GRID2: variants seen among roughly 807,000 people sequenced by gnomAD.
The protein encoded by GRID2 is glutamate ionotropic receptor delta type subunit 2, also known as glutamate receptor ionotropic, delta-2.
A neutral mutation model predicts 114.8 loss-of-function variants in GRID2; 33 were observed. The observed-to-expected ratio is 0.29, with a 90% confidence interval of 0.22 to 0.38. The LOEUF is 0.38. Ranked by LOEUF, GRID2 falls within the 10% of genes least tolerant of loss-of-function variation. The probability of loss-of-function intolerance (pLI) is 1.00; values close to 1 mark genes in which losing one functional copy is unlikely to be tolerated. For missense variants in GRID2, 1,184 were observed against 1,257.7 expected, an observed-to-expected ratio of 0.94 and a Z score of 0.89; for synonymous variants, 505 against 449.9, an observed-to-expected ratio of 1.12 and a Z score of -1.55.
intron 2 of GRID2, among the ~76,000 whole-genome samples, chr4:92,600,089 T>TA (rs1729154849): frequency 2.2e-4 from 30 of 134,726 alleles, no homozygotes; most frequent in Admixed American, 9.8e-4. Flanking sequence ...TATATATATA[T>TA]TTCTCAGAAT....
At chr4:93,710,437 A>T (rs1427845180) in intron 14 of GRID2, among the ~76,000 whole-genome samples, 1 of 152,182 alleles carries the variant, frequency 6.6e-6, no homozygotes, top group Non-Finnish European at 1.5e-5. Context: ...CGAATGGAGT[A>T]TCTCTTTCTA....
chr4:92,754,703 A>G (rs1737625586), intron 2 of GRID2, among the ~76,000 whole-genome samples: 1 of 152,170 alleles, frequency 6.6e-6, no homozygotes, highest in African/African-American at 2.4e-5. Flanking sequence ...GTGTATTTTG[A>G]AATGGTATTT....
Position 92,558,624 on chromosome 4 carries a change from C to T in GRID2, c.89-31507C>T, listed in dbSNP as rs569762183. On this transcript the variant is annotated intron_variant, in intron 1 of 15. Transcript: ENST00000282020. Reference sequence around the variant, plus strand: ...AGCCTAGCTGCTTTTATTCCTCCTACCTCTAATCTCTTTAATATTTCTTTG... The same window carrying T: ...AGCCTAGCTGCTTTTATTCCTCCTATCTCTAATCTCTTTAATATTTCTTTG... Among the ~76,000 whole-genome samples, 60 of 152,216 alleles carry T rather than the reference C, an allele frequency of 3.9e-4. No individual in the cohort carries two copies. The South Asian group carries it at 0.012, about 31-fold the overall frequency.
At chr4:92,780,552 G>A (rs949689302) in intron 2 of GRID2, among the ~76,000 whole-genome samples, 9 of 152,060 alleles carry the variant, frequency 5.9e-5, no homozygotes, top group African/African-American at 2.2e-4. Flanking sequence ...CAATAAGGAA[G>A]GGGGATGAAA....
At chr4:93,757,137 G>C (rs1249638171) in intron 14 of GRID2, among the ~76,000 whole-genome samples, 1 of 152,074 alleles carries the variant, frequency 6.6e-6, no homozygotes, top group Non-Finnish European at 1.5e-5. Context: ...TTTACTAAAG[G>C]ATATTATGTG....
At chr4:93,004,671 C>T (rs71599267) in intron 2 of GRID2, among the ~76,000 whole-genome samples, 21,036 of 151,844 alleles carry the variant, frequency 0.14, 1,767 homozygotes, top group Middle Eastern at 0.27. Context: ...TCTTCCACTC[C>T]CCCTCAGAGC....
chr4:92,457,323 C>T (rs1057083187), intron 1 of GRID2, among the ~76,000 whole-genome samples: 2 of 151,962 alleles, frequency 1.3e-5, no homozygotes, highest in Non-Finnish European at 2.9e-5. Context: ...TTCACATTTT[C>T]CATTGAATTA....
chr4:92,964,289 T>A (rs1490163148), intron 2 of GRID2, among the ~76,000 whole-genome samples: 2 of 151,996 alleles, frequency 1.3e-5, no homozygotes, highest in East Asian at 1.9e-4. Context: ...CCAGGGGGCA[T>A]CTTCTTCCAA....
chr4:92,323,794 CTG>C (rs1726452500), intron 1 of GRID2, among the ~76,000 whole-genome samples: 1 of 151,994 alleles, frequency 6.6e-6, no homozygotes, highest in Admixed American at 6.6e-5. Context: ...CATGGAAAGA[CTG>C]TTAGAGATTG....
chr4:92,507,629 C>A (rs1724043396), intron 1 of GRID2, among the ~76,000 whole-genome samples: 1 of 151,788 alleles, frequency 6.6e-6, no homozygotes, highest in Non-Finnish European at 1.5e-5. Flanking sequence ...TCAATATTGT[C>A]CTTATTTTTA....
intron 8 of GRID2, among the ~76,000 whole-genome samples, chr4:93,362,530 T>C (rs918940088): frequency 6.6e-6 from 1 of 151,932 alleles, no homozygotes; most frequent in African/African-American, 2.4e-5. Context: ...TTTCATTGAG[T>C]TTTCACCTGT....
chr4:93,590,601 G>C (rs891635373), intron 13 of GRID2, among the ~76,000 whole-genome samples: 61 of 152,218 alleles, frequency 4.0e-4, no homozygotes, highest in Non-Finnish European at 7.6e-4. Context: ...GAAAGGCATT[G>C]GTAGCTTGAT....
chr4:93,397,138 C>A (rs1765406153), intron 9 of GRID2, among the ~76,000 whole-genome samples: 1 of 151,854 alleles, frequency 6.6e-6, no homozygotes, highest in Admixed American at 6.6e-5. Flanking sequence ...ATTTTATTGT[C>A]AAAAAAGTGG....
chr4:92,748,862 C>T (rs1258114745), intron 2 of GRID2, among the ~76,000 whole-genome samples: 1 of 151,646 alleles, frequency 6.6e-6, no homozygotes, highest in East Asian at 1.9e-4. Context: ...AGGGGTTTTG[C>T]CATGTTGGCC....
intron 13 of GRID2, among the ~76,000 whole-genome samples, chr4:93,606,296 A>G (rs1740232832): frequency 6.6e-6 from 1 of 152,092 alleles, no homozygotes; most frequent in Non-Finnish European, 1.5e-5. Flanking sequence ...AAAATGTAGA[A>G]CTGAGAGGGG....
intron 10 of GRID2, among the ~76,000 whole-genome samples, chr4:93,451,653 G>A (rs1722695944): frequency 1.3e-5 from 2 of 152,086 alleles, no homozygotes; most frequent in South Asian, 4.1e-4. Flanking sequence ...ACAATAGGGA[G>A]ACTGAAGAGG....
At chr4:92,976,205 C>G (rs1275579505) in intron 2 of GRID2, among the ~76,000 whole-genome samples, 1 of 151,974 alleles carries the variant, frequency 6.6e-6, no homozygotes, top group Admixed American at 6.6e-5. Flanking sequence ...TAAAAATTAA[C>G]TGATAGCTAA....
intron 12 of GRID2, among the ~76,000 whole-genome samples, chr4:93,496,486 A>G (rs1031692841): frequency 4.0e-5 from 6 of 151,752 alleles, no homozygotes; most frequent in African/African-American, 1.2e-4. Context: ...GAACTATTCC[A>G]TCACGGCAAA....
chr4:92,705,587 G>A lies in GRID2; in HGVS notation c.244+115301G>A, dbSNP rs574334567. Among the ~76,000 whole-genome samples the A allele has an allele frequency of 3.9e-5, 6 of 152,240 alleles. No homozygotes were observed. The South Asian group carries it at 1.2e-3, about 32-fold the overall frequency. ...TTAGAAATAAAAAGAAAACCGGACTGGACTAGGAAAAGTCAATGCCACTTT... is the reference window on the plus strand; with the variant it reads ...TTAGAAATAAAAAGAAAACCGGACTAGACTAGGAAAAGTCAATGCCACTTT... On this transcript the variant is annotated intron_variant, in intron 2 of 15. Coordinates refer to ENST00000282020, the MANE Select transcript of GRID2 (RefSeq NM_001510.4).
Sources: allele counts gnomAD v4.1 joint callset (sites outside exome capture counted in the v4.1 genomes callset), GRCh38; gene constraint gnomAD v4.1.1; transcripts MANE v1.5; gene names NCBI Gene and HGNC (gene_info 2026-07-23, HGNC 2026-07-21).